The following MED27 variants were observed in gnomAD, a reference collection of about 807,000 sequenced individuals.
The protein encoded by MED27 is mediator of RNA polymerase II transcription subunit 27.
MED27 carries 30 observed loss-of-function variants against 38.2 expected under a neutral mutation model. The observed-to-expected ratio is 0.79, with a 90% CI of 0.59 to 1.07. The LOEUF is 1.07. MED27 is among the 50% of genes least tolerant of loss of function. MED27 has a pLI of 0.00. For missense variants in MED27, 289 were observed against 397.5 expected (o/e 0.73, Z 2.32); for synonymous variants, 122 against 153.5 (o/e 0.79, Z 1.52).
At chr9:131,969,661 T>G (rs1201820161) in intron 3 of MED27, among the ~76,000 whole-genome samples, 1 of 152,104 alleles carries the variant, frequency 6.6e-6, no homozygotes, top group Non-Finnish European at 1.5e-5. Flanking sequence ...CCTGGCAGAC[T>G]GCAAGGATGA....
intron 3 of MED27, among the ~76,000 whole-genome samples, chr9:131,955,252 C>T (rs879893267): frequency 1.1e-4 from 17 of 151,596 alleles, no homozygotes; most frequent in African/African-American, 3.9e-4. Flanking sequence ...TATATTAAAA[C>T]GTGTGGGATG....
intron 4 of MED27, among the ~76,000 whole-genome samples, chr9:131,898,101 A>ATTT (rs1039409485): frequency 0.025 from 3,236 of 131,884 alleles, 57 homozygotes; most frequent in South Asian, 0.047. Flanking sequence ...TGCAGGTTTG[A>ATTT]TTTTTTTTTT....
At chr9:132,066,962 T>C (rs2131158649) in intron 2 of MED27, among the ~76,000 whole-genome samples, 1 of 152,340 alleles carries the variant, frequency 6.6e-6, no homozygotes, top group African/African-American at 2.4e-5. Context: ...CTCCTGCACC[T>C]GACAACAGCC....
chr9:131,974,252 TG>T (rs1831554840), intron 3 of MED27, among the ~76,000 whole-genome samples: 1 of 152,240 alleles, frequency 6.6e-6, no homozygotes, highest in South Asian at 2.1e-4. Context: ...TGCATTGTCC[TG>T]TTTCGGTTAG....
intron 2 of MED27, among the ~76,000 whole-genome samples, chr9:132,043,339 A>T (rs1833262648): frequency 1.3e-5 from 2 of 148,856 alleles, no homozygotes; most frequent in Admixed American, 1.3e-4. Flanking sequence ...AGGAATAAAG[A>T]TGTCTGTCTT....
chr9:131,897,074 A>G (rs938903587), intron 4 of MED27, among the ~76,000 whole-genome samples: 1 of 152,252 alleles, frequency 6.6e-6, no homozygotes, highest in Non-Finnish European at 1.5e-5. Context: ...TATGACAAGT[A>G]TTGTTCCATA....
At chr9:131,973,917 C>CGTT (rs1564307491) in intron 3 of MED27, among the ~76,000 whole-genome samples, 1 of 151,504 alleles carries the variant, frequency 6.6e-6, no homozygotes, top group Non-Finnish European at 1.5e-5. Context: ...CGGGTTTCAC[C>CGTT]ATAGCCGGGA....
chr9:131,903,672 T>C (rs923649448), intron 4 of MED27, among the ~76,000 whole-genome samples: 6 of 152,174 alleles, frequency 3.9e-5, no homozygotes, highest in African/African-American at 9.6e-5. Context: ...AGAGCTACTA[T>C]TGGACACTGC....
chr9:132,066,809 A>T (rs1486088923), intron 2 of MED27, among the ~76,000 whole-genome samples: 1 of 152,246 alleles, frequency 6.6e-6, no homozygotes, highest in African/African-American at 2.4e-5. Flanking sequence ...CCCTAAGATT[A>T]GCACAGAGCA....
chr9:132,019,828 G>A (rs1468887630), intron 2 of MED27, among the ~76,000 whole-genome samples: 1 of 152,212 alleles, frequency 6.6e-6, no homozygotes, highest in African/African-American at 2.4e-5. Context: ...CTGGATGAGA[G>A]CTGGCCCATG....
intron 3 of MED27, among the ~76,000 whole-genome samples, chr9:131,942,558 A>G (rs950961699): frequency 6.6e-6 from 1 of 152,184 alleles, no homozygotes; most frequent in African/African-American, 2.4e-5. Flanking sequence ...CATTGAGGCT[A>G]TTGTCCTCAA....
chr9:131,886,398 T>C (rs1040234452), intron 5 of MED27, among the ~76,000 whole-genome samples: 14 of 152,120 alleles, frequency 9.2e-5, no homozygotes, highest in East Asian at 1.9e-4. Context: ...ATTCATTCAA[T>C]AGGAAAAATG....
In MED27 at chr9:132,073,559, C is replaced by T. The variant is rs1384115856; in HGVS notation, c.348+3883G>A. On this transcript the variant is annotated intron_variant, in intron 2 of 7. Coordinates refer to ENST00000292035, the MANE Select transcript of MED27 (RefSeq NM_004269.4). ...CGTTGCAATGTAAAACGATTCCAACCCTGTTAGTTCCATGATGCAAAAACA... is the reference window on the plus strand; with the variant it reads ...CGTTGCAATGTAAAACGATTCCAACTCTGTTAGTTCCATGATGCAAAAACA... 2.2e-6 allele frequency: 3 copies of T among 1,370,424 alleles called. No individual in the cohort carries two copies. The African/African-American group carries it at 4.5e-5, about 20-fold the overall frequency. 84.9% of individuals were successfully genotyped at this position (1,370,424 alleles called of 1,614,324 possible).
chr9:131,985,123 T>C (rs1166032011), intron 3 of MED27, among the ~76,000 whole-genome samples: 2 of 152,194 alleles, frequency 1.3e-5, no homozygotes, highest in East Asian at 1.9e-4. Context: ...TTTTGTTTTA[T>C]CTTCTTTTAT....
At chr9:132,019,424 C>T (rs1463160114) in intron 2 of MED27, among the ~76,000 whole-genome samples, 12 of 152,318 alleles carry the variant, frequency 7.9e-5, no homozygotes, top group Middle Eastern at 3.4e-3. Flanking sequence ...TAGGTGCTCA[C>T]TGTCAAGATA....
At chr9:132,071,570 A>G (rs1488828984) in intron 2 of MED27, among the ~76,000 whole-genome samples, 1 of 149,022 alleles carries the variant, frequency 6.7e-6, no homozygotes, top group East Asian at 2.0e-4. Flanking sequence ...CAAACACACA[A>G]GTAACCCGTA....
chr9:132,014,283 T>A, intron 3 of MED27, 54 bp downstream of exon 3: 5 of 1,544,160 alleles, frequency 3.2e-6, no homozygotes, highest in Non-Finnish European at 4.4e-6. Flanking sequence ...AAAACAAGTA[T>A]AAAGTAAAAA....
At chr9:131,897,552 C>G (rs1829854073) in intron 4 of MED27, among the ~76,000 whole-genome samples, 1 of 152,112 alleles carries the variant, frequency 6.6e-6, no homozygotes, top group African/African-American at 2.4e-5. Flanking sequence ...GCTTTTGGAA[C>G]CCTTTGAGAA....
chr9:131,884,748 T>C (rs991769943), intron 5 of MED27, among the ~76,000 whole-genome samples: 1 of 151,810 alleles, frequency 6.6e-6, no homozygotes, highest in Non-Finnish European at 1.5e-5. Flanking sequence ...GCTGGGACTA[T>C]AGGCGTGTGT....
Sources: gnomAD v4.1 joint callset for allele counts (sites outside exome capture counted in the v4.1 genomes callset) on GRCh38, gnomAD v4.1.1 for gene constraint, MANE v1.5 for transcripts, NCBI Gene and HGNC (gene_info 2026-07-23, HGNC 2026-07-21) for gene names.